SAMD12: variants seen among roughly 807,000 people sequenced by gnomAD.
SAMD12 encodes the protein sterile alpha motif domain-containing protein 12.
A neutral mutation model predicts 15.0 loss-of-function variants in SAMD12; 9 were observed. The ratio of observed to expected loss-of-function variants is 0.60; its 90% CI spans 0.36 to 1.05. The LOEUF (loss-of-function observed/expected upper bound fraction) is 1.05. SAMD12 is among the 50% of genes least tolerant of loss of function. SAMD12 has a pLI of 0.01. For missense variants in SAMD12, 230 were observed against 234.2 expected (o/e 0.98, Z 0.12); for synonymous variants, 86 against 90.1 (o/e 0.96, Z 0.25).
chr8:118,580,641 T>C, intron 2 of SAMD12, 74 bp downstream of exon 2: 1 of 1,066,830 alleles, frequency 9.4e-7, no homozygotes, highest in Non-Finnish European at 1.4e-6. Flanking sequence ...CTATCAGCTC[T>C]TCTCTGTAGC....
chr8:118,559,104 C>G (rs769403147), intron 2 of SAMD12, among the ~76,000 whole-genome samples: 14 of 152,152 alleles, frequency 9.2e-5, no homozygotes, highest in African/African-American at 1.4e-4. Flanking sequence ...GCATCTGTCC[C>G]AAGGCTATCA....
chr8:118,543,367 T>C (rs2131154790), intron 2 of SAMD12, among the ~76,000 whole-genome samples: 1 of 152,186 alleles, frequency 6.6e-6, no homozygotes, highest in East Asian at 1.9e-4. Context: ...TCTCTAATTG[T>C]TGCCTAGTAT....
chr8:118,331,064 C>T (rs1189206203), intron 4 of SAMD12, among the ~76,000 whole-genome samples: 3 of 151,996 alleles, frequency 2.0e-5, no homozygotes, highest in African/African-American at 7.3e-5. Context: ...GGTCTTGGGT[C>T]AGGCTAAGAA....
At chr8:118,470,649 G>T (rs1356020526) in intron 2 of SAMD12, among the ~76,000 whole-genome samples, 1 of 152,148 alleles carries the variant, frequency 6.6e-6, no homozygotes. Flanking sequence ...CTATCCAAAT[G>T]CAGTAGGGTA....
At chr8:118,219,465 C>T (rs1236134902) in intron 4 of SAMD12, among the ~76,000 whole-genome samples, 7 of 152,062 alleles carry the variant, frequency 4.6e-5, no homozygotes, top group Non-Finnish European at 1.5e-5. Flanking sequence ...TTACGAACAC[C>T]CTTGGGTGGA....
intron 2 of SAMD12, among the ~76,000 whole-genome samples, chr8:118,505,477 TGGAA>T (rs996997012): frequency 1.3e-5 from 2 of 152,018 alleles, no homozygotes; most frequent in Non-Finnish European, 2.9e-5. Context: ...GAAAACCGTT[TGGAA>T]AGCAGGCAGA....
chr8:118,160,730 TATAAA>T, the SAMD12 span, among the ~76,000 whole-genome samples: 2 of 152,226 alleles, frequency 1.3e-5, no homozygotes, highest in African/African-American at 2.4e-5. Context: ...ATATGCAACT[TATAAA>T]AGAAACATAA....
At chr8:118,194,133 G>C (rs1819488139) in exon 5 of SAMD12, 1 of 152,176 alleles carries the variant, frequency 6.6e-6, no homozygotes, top group Admixed American at 6.5e-5. Flanking sequence ...GGATCCATTA[G>C]AGGTTTTTAT....
chr8:118,491,281 T>C (rs1824433900), intron 2 of SAMD12, among the ~76,000 whole-genome samples: 1 of 152,198 alleles, frequency 6.6e-6, no homozygotes, highest in African/African-American at 2.4e-5. Context: ...TCTGCTTAAA[T>C]GCCACCTCTC....
At chr8:118,313,065 T>G (rs1586498951) in intron 4 of SAMD12, among the ~76,000 whole-genome samples, 1 of 152,272 alleles carries the variant, frequency 6.6e-6, no homozygotes, top group Non-Finnish European at 1.5e-5. Flanking sequence ...GTCTCAAAAT[T>G]GGAGTTTTCC....
At chr8:118,167,936 G>A in the SAMD12 span, among the ~76,000 whole-genome samples, 1 of 152,064 alleles carries the variant, frequency 6.6e-6, no homozygotes, top group Admixed American at 6.6e-5. Flanking sequence ...ATTTGGCTGT[G>A]CCACACCCAA....
intron 2 of SAMD12, among the ~76,000 whole-genome samples, chr8:118,495,386 A>G (rs1032600516): frequency 1.3e-5 from 2 of 152,138 alleles, no homozygotes; most frequent in Admixed American, 1.3e-4. Context: ...TTCCAAATAT[A>G]TTGACCCTGT....
chr8:118,238,909 T>C (rs1563710285), intron 4 of SAMD12, among the ~76,000 whole-genome samples: 1 of 152,116 alleles, frequency 6.6e-6, no homozygotes, highest in Non-Finnish European at 1.5e-5. Flanking sequence ...TTTTTAGGAA[T>C]ACAGTTTTTT....
intron 4 of SAMD12, among the ~76,000 whole-genome samples, chr8:118,276,154 C>A (rs1287075988): frequency 1.3e-5 from 2 of 152,162 alleles, no homozygotes; most frequent in African/African-American, 4.8e-5. Context: ...AATAGTGTTC[C>A]ATATAAGGCC....
chr8:118,166,959 G>A, the SAMD12 span, among the ~76,000 whole-genome samples: 1 of 152,050 alleles, frequency 6.6e-6, no homozygotes, highest in Non-Finnish European at 1.5e-5. Context: ...TTCCAATCAG[G>A]TGCTGGAATG....
chr8:118,345,758 T>A (rs1817604541), intron 4 of SAMD12, among the ~76,000 whole-genome samples: 1 of 151,992 alleles, frequency 6.6e-6, no homozygotes, highest in Non-Finnish European at 1.5e-5. Flanking sequence ...GAAAACAAGG[T>A]CAAAGGACAG....
rs183782196 is a variant in SAMD12, at chr8:118,557,827, G to A, written c.192+22888C>T. Among the ~76,000 whole-genome samples the A allele has an allele frequency of 1.2e-3, 183 of 152,192 alleles. 1 individual carries two copies. The highest frequency in any genetic ancestry group is 4.3e-3 in the African/African-American group (178 of 41,522). ...TGTTTATAAATTTTAGCATGTTCCTGTAACTTCTATTTATATACACTCATA... is the reference window on the plus strand; with the variant it reads ...TGTTTATAAATTTTAGCATGTTCCTATAACTTCTATTTATATACACTCATA... On this transcript the variant is annotated intron_variant, in intron 2 of 3. Transcript: ENST00000314727.
chr8:118,333,003 G>C (rs1816875612), intron 4 of SAMD12, among the ~76,000 whole-genome samples: 1 of 152,178 alleles, frequency 6.6e-6, no homozygotes, highest in African/African-American at 2.4e-5. Flanking sequence ...AGGAAAACAT[G>C]GGACTCTTGC....
intron 2 of SAMD12, among the ~76,000 whole-genome samples, chr8:118,554,181 G>T (rs573693175): frequency 3.9e-5 from 6 of 152,246 alleles, no homozygotes; most frequent in African/African-American, 1.4e-4. Flanking sequence ...TCCCATTACT[G>T]GGTATATACC....
Sources: allele counts gnomAD v4.1 joint callset (sites outside exome capture counted in the v4.1 genomes callset), GRCh38; gene constraint gnomAD v4.1.1; transcripts MANE v1.5; gene names NCBI Gene and HGNC (gene_info 2026-07-23, HGNC 2026-07-21).